Variants in ZMAT4 observed in about 807,000 individuals in gnomAD.
ZMAT4 encodes the protein zinc finger matrin-type 4.
In ZMAT4, 17 loss-of-function variants were observed where a neutral mutation model predicts 28.7. The ratio of observed to expected loss-of-function variants is 0.59; its 90% confidence interval spans 0.41 to 0.89. ZMAT4 has a LOEUF of 0.89. Among genes scored for constraint, ZMAT4 ranks in the 40% least tolerant of loss-of-function variants. ZMAT4 has a pLI of 0.00. For synonymous variants in ZMAT4, 117 were observed against 109.2 expected, an observed-to-expected ratio of 1.07 and a Z score of -0.44; for missense variants, 240 against 283.8, an observed-to-expected ratio of 0.85 and a Z score of 1.11.
At chr8:40,596,170 T>C (rs185617606) in intron 5 of ZMAT4, among the ~76,000 whole-genome samples, 304 of 152,136 alleles carry the variant, frequency 2.0e-3, no homozygotes, top group African/African-American at 7.0e-3. Flanking sequence ...CCTACTGTAA[T>C]TGAAGCTTGC....
rs958668478 is a variant in ZMAT4, at chr8:40,582,607, A to T, written c.578-1346T>A. Among the ~76,000 whole-genome samples, 11 of 152,344 alleles carry T rather than the reference A, an allele frequency of 7.2e-5. No homozygotes were observed. The East Asian group carries it at 2.1e-3, about 29-fold the overall frequency. On this transcript the variant is annotated intron_variant, in intron 5 of 6. Transcript: ENST00000297737. ...GCATTTGTTTTTATCAATGCATAGT[A>T]TTTAATTTTAACAGGCAAAGTTATT...
chr8:40,597,988 C>T (rs1431624403), intron 5 of ZMAT4, among the ~76,000 whole-genome samples: 1 of 152,148 alleles, frequency 6.6e-6, no homozygotes, highest in Non-Finnish European at 1.5e-5. Flanking sequence ...CCCATCAAGA[C>T]AGTAATATGC....
At chr8:40,845,355 T>C (rs780165288) in intron 1 of ZMAT4, among the ~76,000 whole-genome samples, 1 of 152,162 alleles carries the variant, frequency 6.6e-6, no homozygotes, top group Non-Finnish European at 1.5e-5. Context: ...GATTTGACAG[T>C]CTGTTGATTG....
chr8:40,716,313 G>A (rs569715673), intron 3 of ZMAT4, among the ~76,000 whole-genome samples: 1 of 152,300 alleles, frequency 6.6e-6, no homozygotes, highest in Non-Finnish European at 1.5e-5. Flanking sequence ...TCAAGCCCTC[G>A]GAGAGAGTCA....
intron 5 of ZMAT4, among the ~76,000 whole-genome samples, chr8:40,590,201 T>A (rs914935863): frequency 6.6e-6 from 1 of 151,344 alleles, no homozygotes; most frequent in African/African-American, 2.4e-5. Context: ...TTTTTTTTTA[T>A]TTTTTATTTT....
At chr8:40,728,415 G>A (rs1241351794) in intron 3 of ZMAT4, among the ~76,000 whole-genome samples, 3 of 152,128 alleles carry the variant, frequency 2.0e-5, no homozygotes, top group African/African-American at 7.2e-5. Flanking sequence ...CATCTTGTGG[G>A]TCCATACTGC....
chr8:40,669,442 CCTGA>C (rs1040589816), intron 5 of ZMAT4, among the ~76,000 whole-genome samples: 4 of 151,884 alleles, frequency 2.6e-5, no homozygotes, highest in Admixed American at 6.6e-5. Flanking sequence ...ACCGAGAGTG[CCTGA>C]CTGTCTGCCT....
intron 3 of ZMAT4, among the ~76,000 whole-genome samples, chr8:40,714,991 G>A (rs1402088628): frequency 1.5e-5 from 2 of 136,930 alleles, no homozygotes; most frequent in Admixed American, 8.0e-5. Flanking sequence ...GGAGGTTGCA[G>A]TGAGCCGAGA....
chr8:40,847,213 A>G (rs1311664796), intron 1 of ZMAT4, among the ~76,000 whole-genome samples: 1 of 84,534 alleles, frequency 1.2e-5, no homozygotes, highest in Non-Finnish European at 2.7e-5. Context: ...AAAAAAACAA[A>G]CAAACAAAAA....
At chr8:40,711,462 C>T (rs908013247) in intron 3 of ZMAT4, among the ~76,000 whole-genome samples, 3 of 152,104 alleles carry the variant, frequency 2.0e-5, no homozygotes, top group African/African-American at 7.2e-5. Context: ...AATGTATCAA[C>T]CCCAAATCCA....
At chr8:40,577,488 G>A (rs1804306929) in intron 6 of ZMAT4, among the ~76,000 whole-genome samples, 2 of 152,156 alleles carry the variant, frequency 1.3e-5, no homozygotes, top group Admixed American at 1.3e-4. Context: ...CATAGAAGTA[G>A]AGTCAAATCG....
intron 2 of ZMAT4, among the ~76,000 whole-genome samples, chr8:40,777,422 T>C (rs1305251084): frequency 6.6e-6 from 1 of 152,184 alleles, no homozygotes; most frequent in African/African-American, 2.4e-5. Context: ...GGGTTGCAAT[T>C]CGATCTGGTG....
intron 3 of ZMAT4, among the ~76,000 whole-genome samples, chr8:40,725,760 ACT>A (rs916434511): frequency 5.3e-5 from 8 of 152,154 alleles, no homozygotes; most frequent in East Asian, 3.9e-4. Context: ...TCAGAGTGAG[ACT>A]CTGCCTCAAA....
intron 5 of ZMAT4, among the ~76,000 whole-genome samples, chr8:40,616,725 G>A (rs948987866): frequency 8.6e-5 from 13 of 151,934 alleles, no homozygotes; most frequent in African/African-American, 1.9e-4. Context: ...ATCACACACC[G>A]GGGCCTGCCG....
At chr8:40,589,756 C>CTTTCTT (rs1368377519) in intron 5 of ZMAT4, among the ~76,000 whole-genome samples, 1 of 146,418 alleles carries the variant, frequency 6.8e-6, no homozygotes. Context: ...TTCTTTCTTT[C>CTTTCTT]TTTCTTTTTC....
intron 1 of ZMAT4, among the ~76,000 whole-genome samples, chr8:40,862,155 G>C (rs1333642688): frequency 1.3e-5 from 2 of 151,998 alleles, no homozygotes; most frequent in Non-Finnish European, 2.9e-5. Context: ...CAATAGCAAA[G>C]ACTTGGAACC....
intron 2 of ZMAT4, among the ~76,000 whole-genome samples, chr8:40,811,255 A>T (rs1815301682): frequency 6.6e-6 from 1 of 152,212 alleles, no homozygotes; most frequent in Admixed American, 6.5e-5. Flanking sequence ...AGGAACTTAC[A>T]GACAGAAGCC....
intron 2 of ZMAT4, among the ~76,000 whole-genome samples, chr8:40,805,574 T>A (rs1815044890): frequency 8.4e-6 from 1 of 119,644 alleles, no homozygotes; most frequent in Admixed American, 8.4e-5. Context: ...ATTAAGAAAA[T>A]TTGGCACATA....
chr8:40,834,731 C>T (rs1435042709), intron 1 of ZMAT4, among the ~76,000 whole-genome samples: 2 of 152,184 alleles, frequency 1.3e-5, no homozygotes, highest in Non-Finnish European at 2.9e-5. Flanking sequence ...ATGGCTCTGG[C>T]AGGCCCACGT....
Sources: allele counts gnomAD v4.1 joint callset (sites outside exome capture counted in the v4.1 genomes callset), GRCh38; gene constraint gnomAD v4.1.1; transcripts MANE v1.5; gene names NCBI Gene and HGNC (gene_info 2026-07-23, HGNC 2026-07-21).